Variants in ATP1B1 observed in about 807,000 individuals in gnomAD.
The protein encoded by ATP1B1 is sodium/potassium-transporting ATPase subunit beta-1.
A neutral mutation model predicts 39.6 loss-of-function variants in ATP1B1; 3 were observed. That is an observed-to-expected ratio of 0.08 (90% CI 0.03 to 0.20). ATP1B1 has a LOEUF of 0.20. Among genes scored for constraint, ATP1B1 ranks in the 10% least tolerant of loss-of-function variants. The pLI, the probability that ATP1B1 is intolerant of heterozygous loss-of-function variation, is 1.00. For synonymous variants in ATP1B1, 139 were observed against 135.0 expected (o/e 1.03, Z -0.20); for missense variants, 216 against 371.1 (o/e 0.58, Z 3.43).
chr1:169,122,315 C>T (rs1657994246), intron 2 of ATP1B1, among the ~76,000 whole-genome samples: 1 of 152,104 alleles, frequency 6.6e-6, no homozygotes, highest in Non-Finnish European at 1.5e-5. Flanking sequence ...AGGCAAGTCA[C>T]CTTGACTTAA....
At position 169,132,235 on chromosome 1, in the gene ATP1B1, A is replaced by G; in HGVS notation, c.*680A>G. On this transcript the variant is annotated 3_prime_UTR_variant, in exon 6 of 6. Coordinates refer to ENST00000367815, the MANE Select transcript of ATP1B1 (RefSeq NM_001677.4). ...ACACAAAAAGGTGATGGGTTGTGTT[A>G]TGCTTGTATTGAATGCTGTCTTGAC... 1 of 652,112 alleles carries G rather than the reference A, an allele frequency of 1.5e-6. No individual in the cohort carries two copies. Among genetic ancestry groups the G allele is most frequent in the South Asian group, 1.8e-5 (1 of 56,828 alleles). 40.4% of individuals were successfully genotyped at this position (652,112 alleles called of 1,614,324 possible). A position where few individuals can be genotyped will look rare whatever the true frequency, so the allele number is the denominator to read the frequency against.
chr1:169,116,390 T>C (rs987525000), intron 2 of ATP1B1, among the ~76,000 whole-genome samples: 2 of 152,140 alleles, frequency 1.3e-5, no homozygotes, highest in Admixed American at 1.3e-4. Context: ...CTCTGAAGTA[T>C]AGACGGCTCA....
rs1411237047 is a variant in ATP1B1, at chr1:169,125,048, A to G, written c.382+9A>G. On this transcript the variant is annotated intron_variant, in intron 3 of 5. Transcript: ENST00000367815. ...TTTTGAAGATTGTGGCGGTAAGTAG[A>G]CTCATTGTAGATGTCTGTGGCTAGT... 1 of 1,605,310 alleles carries G rather than the reference A, an allele frequency of 6.2e-7. No individual in the cohort carries two copies. Among genetic ancestry groups the G allele is most frequent in the African/African-American group, 1.3e-5 (1 of 74,418 alleles).
chr1:169,110,443 G>A (rs1422928353), intron 1 of ATP1B1, among the ~76,000 whole-genome samples: 1 of 151,958 alleles, frequency 6.6e-6, no homozygotes, highest in African/African-American at 2.4e-5. Flanking sequence ...ACATTGAGTC[G>A]TTTGGCTGGC....
intron 2 of ATP1B1, among the ~76,000 whole-genome samples, chr1:169,121,120 T>C (rs1330457974): frequency 2.0e-5 from 3 of 152,032 alleles, no homozygotes; most frequent in African/African-American, 7.2e-5. Context: ...GCTAATTTTG[T>C]GTTTTTAGTA....
chr1:169,109,197 T>A (rs994310927), intron 1 of ATP1B1, among the ~76,000 whole-genome samples: 1 of 152,268 alleles, frequency 6.6e-6, no homozygotes, highest in African/African-American at 2.4e-5. Flanking sequence ...GATGCCTGCC[T>A]GTGACCTTTT....
At chr1:169,113,838 A>G (rs1196091001) in intron 2 of ATP1B1, among the ~76,000 whole-genome samples, 2 of 152,182 alleles carry the variant, frequency 1.3e-5, no homozygotes, top group African/African-American at 4.8e-5. Flanking sequence ...AAAAGTCCTC[A>G]GTCCTCCATC....
At chr1:169,119,790 G>C (rs531311493) in intron 2 of ATP1B1, among the ~76,000 whole-genome samples, 1 of 141,996 alleles carries the variant, frequency 7.0e-6, no homozygotes, top group East Asian at 2.0e-4. Flanking sequence ...CTGTGAAGCT[G>C]AAAAATCATA....
rs1338421005 is a variant in ATP1B1 at position 169,132,326 on chromosome 1, T to C, written c.*771T>C. The C allele has an allele frequency of 3.1e-5, 15 of 487,158 alleles. No individual in the cohort carries two copies. The East Asian group carries it at 4.1e-4, about 13-fold the overall frequency. 30.2% of individuals were successfully genotyped at this position (487,158 alleles called of 1,614,324 possible). A position where few individuals can be genotyped will look rare whatever the true frequency, so the allele number is the denominator to read the frequency against. ...TGAGATCTGGATCTGCCCATCACTTTGGCTAGTGACAGGGCTAATTAATTT... is the reference window on the plus strand; with the variant it reads ...TGAGATCTGGATCTGCCCATCACTTCGGCTAGTGACAGGGCTAATTAATTT... On this transcript the variant is annotated 3_prime_UTR_variant, in exon 6 of 6. Transcript: ENST00000367815.
intron 2 of ATP1B1, among the ~76,000 whole-genome samples, chr1:169,116,850 T>TAA (rs555029838): frequency 7.2e-6 from 1 of 139,254 alleles, no homozygotes; most frequent in East Asian, 2.0e-4. Context: ...AGACTCCATC[T>TAA]AAAAAAAAAA....
chr1:169,108,855 C>A lies in ATP1B1; in HGVS notation c.97+1929C>A, dbSNP rs1480974825. Reference sequence around the variant, plus strand: ...ACGGTACAGGTGCTGGGCTAAAAATCCCCTTTTTGTTTTGTGCTAATATGT... The same window carrying A: ...ACGGTACAGGTGCTGGGCTAAAAATACCCTTTTTGTTTTGTGCTAATATGT... On this transcript the variant is annotated intron_variant, in intron 1 of 5. Coordinates refer to ENST00000367815, the MANE Select transcript of ATP1B1 (RefSeq NM_001677.4). Among the ~76,000 whole-genome samples, 8 of 152,190 alleles carry A rather than the reference C, an allele frequency of 5.3e-5. 1 individual carries two copies. Among genetic ancestry groups the A allele is most frequent in the Non-Finnish European group, 1.2e-4 (8 of 68,028 alleles).
intron 2 of ATP1B1, among the ~76,000 whole-genome samples, chr1:169,121,708 T>C (rs1657983542): frequency 6.6e-6 from 1 of 152,224 alleles, no homozygotes; most frequent in African/African-American, 2.4e-5. Flanking sequence ...TGACACTTGC[T>C]TCGCAATCCA....
At chr1:169,118,372 G>C (rs114495906) in intron 2 of ATP1B1, among the ~76,000 whole-genome samples, 2,471 of 152,328 alleles carry the variant, frequency 0.016, 73 homozygotes, top group African/African-American at 0.056. Context: ...CTGAGTGTCG[G>C]AGGGTGTGAA....
intron 2 of ATP1B1, among the ~76,000 whole-genome samples, chr1:169,120,414 C>T (rs1386050573): frequency 1.3e-5 from 2 of 152,186 alleles, no homozygotes; most frequent in Non-Finnish European, 2.9e-5. Context: ...CAGAGGGAAA[C>T]ATGAGCTCAC....
At chr1:169,120,691 C>G (rs558663366) in intron 2 of ATP1B1, among the ~76,000 whole-genome samples, 1 of 152,314 alleles carries the variant, frequency 6.6e-6, no homozygotes, top group African/African-American at 2.4e-5. Flanking sequence ...ATGTTTCCCT[C>G]ACAAAGTAAT....
At chr1:169,116,488 G>A (rs563102711) in intron 2 of ATP1B1, among the ~76,000 whole-genome samples, 3 of 152,272 alleles carry the variant, frequency 2.0e-5, no homozygotes, top group African/African-American at 7.2e-5. Context: ...ATGCAGACCA[G>A]CTGACCACAC....
intron 2 of ATP1B1, among the ~76,000 whole-genome samples, chr1:169,113,273 C>A (rs763704538): frequency 9.9e-5 from 15 of 152,026 alleles, no homozygotes; most frequent in Non-Finnish European, 2.1e-4. Context: ...ACCATGTTGG[C>A]CAGGCTGGTC....
chr1:169,124,800 G>T (rs1013613050), intron 2 of ATP1B1, 84 bp from the exon 3 acceptor site: 12 of 1,481,580 alleles, frequency 8.1e-6, no homozygotes, highest in South Asian at 1.2e-5. Flanking sequence ...AGTTAGCAAA[G>T]TATGTTTTGT....
rs2101789387 is a variant in ATP1B1 at position 169,124,963 on chromosome 1, A to G, written c.306A>G (p.Val102=). 6.2e-7 allele frequency: 1 copy of G among 1,614,084 alleles called. No homozygotes were observed. The highest frequency in any genetic ancestry group is 8.5e-7 in the Non-Finnish European group (1 of 1,179,984). ...PNDPKSYEAY[V]LNIVRFLEKY... ...ATCCCAAGAGCTATGAGGCATATGTACTGAACATAGTTAGGTTCCTGGAAA... is the reference window on the plus strand; with the variant it reads ...ATCCCAAGAGCTATGAGGCATATGTGCTGAACATAGTTAGGTTCCTGGAAA... Residue 102 remains valine, a synonymous_variant, in exon 3 of 6, where the codon GTA becomes GTG. Coordinates refer to ENST00000367815, the MANE Select transcript of ATP1B1 (RefSeq NM_001677.4).
Sources: allele counts gnomAD v4.1 joint callset (sites outside exome capture counted in the v4.1 genomes callset), GRCh38; gene constraint gnomAD v4.1.1; transcripts MANE v1.5; gene names NCBI Gene and HGNC (gene_info 2026-07-23, HGNC 2026-07-21).